Variants in PKIB observed in about 807,000 individuals in gnomAD.
PKIB encodes the protein cAMP-dependent protein kinase inhibitor beta.
Under a neutral mutation model 4.5 loss-of-function variants are expected in PKIB, and 2 were observed. The observed-to-expected ratio is 0.44, with a 90% CI of 0.18 to 1.39. The LOEUF is 1.39. Ranked by LOEUF, PKIB falls within the 40% of genes most tolerant of loss-of-function variation. The pLI, the probability that PKIB is intolerant of heterozygous loss-of-function variation, is 0.27. For missense variants in PKIB, 94 were observed against 92.6 expected, an observed-to-expected ratio of 1.02 and a Z score of -0.06; for synonymous variants, 38 against 36.0, an observed-to-expected ratio of 1.06 and a Z score of -0.20.
At chr6:122,563,919 G>T (rs376205009) in intron 2 of PKIB, among the ~76,000 whole-genome samples, 1 of 152,152 alleles carries the variant, frequency 6.6e-6, no homozygotes, top group South Asian at 2.1e-4. Context: ...TCCCCTGCTG[G>T]TGGAGTCTGC....
At chr6:122,606,627 C>G (rs1392675540), upstream of PKIB, among the ~76,000 whole-genome samples, 1 of 150,856 alleles carries the variant, frequency 6.6e-6, no homozygotes. Flanking sequence ...TGAGTCTTTA[C>G]AGGAAGTGAT....
chr6:122,704,351 T>A (rs1316271207), intron 3 of PKIB, among the ~76,000 whole-genome samples: 1 of 152,024 alleles, frequency 6.6e-6, no homozygotes, highest in Non-Finnish European at 1.5e-5. Context: ...CTGAGCACTT[T>A]GTAGCCCAGT....
At chr6:122,667,746 C>CA (rs749401470) in intron 2 of PKIB, among the ~76,000 whole-genome samples, 37 of 151,870 alleles carry the variant, frequency 2.4e-4, no homozygotes, top group East Asian at 9.7e-4. Flanking sequence ...GAATAGTTTA[C>CA]AAAAAAAATG....
At chr6:122,531,149 A>C (rs1777243886) in intron 2 of PKIB, 1 of 152,200 alleles carries the variant, frequency 6.6e-6, no homozygotes, top group Admixed American at 6.5e-5. Context: ...CTATACAAAA[A>C]TTGAATTATT....
intron 2 of PKIB, among the ~76,000 whole-genome samples, chr6:122,500,987 A>G (rs564081392): frequency 2.0e-5 from 3 of 152,128 alleles, no homozygotes; most frequent in African/African-American, 4.8e-5. Flanking sequence ...GTCTGCCCCC[A>G]TGATTCAATC....
At chr6:122,486,809 CTG>C (rs1358626992) in intron 2 of PKIB, among the ~76,000 whole-genome samples, 1 of 152,078 alleles carries the variant, frequency 6.6e-6, no homozygotes, top group East Asian at 1.9e-4. Context: ...TTTAAAAGTA[CTG>C]TGTTTTAAAA....
chr6:122,584,964 CCT>C (rs149606033), intron 2 of PKIB, among the ~76,000 whole-genome samples: 30,264 of 151,868 alleles, frequency 0.2, 3,517 homozygotes, highest in Non-Finnish European at 0.27. Context: ...AGTTACTGCC[CCT>C]TTCCATGTCA....
chr6:122,581,372 A>C (rs964687045), intron 2 of PKIB, among the ~76,000 whole-genome samples: 2 of 152,148 alleles, frequency 1.3e-5, no homozygotes, highest in Non-Finnish European at 2.9e-5. Context: ...ATATAAGACT[A>C]TCCTTTCCAT....
chr6:122,668,439 T>A (rs1777318235), intron 2 of PKIB, among the ~76,000 whole-genome samples: 2 of 152,214 alleles, frequency 1.3e-5, no homozygotes, highest in Non-Finnish European at 2.9e-5. Context: ...TCGACTTTTA[T>A]GAAAATGTTC....
chr6:122,595,663 G>A (rs1031494876), intron 3 of PKIB, among the ~76,000 whole-genome samples: 3 of 152,130 alleles, frequency 2.0e-5, no homozygotes, highest in Non-Finnish European at 2.9e-5. Context: ...GTGCCATATC[G>A]AGGGCTCAGT....
chr6:122,663,054 C>T (rs1777071864), intron 2 of PKIB, among the ~76,000 whole-genome samples: 1 of 152,174 alleles, frequency 6.6e-6, no homozygotes, highest in African/African-American at 2.4e-5. Flanking sequence ...GATTCTGTTA[C>T]ATCTCTGTTC....
intron 3 of PKIB, among the ~76,000 whole-genome samples, chr6:122,691,894 C>T (rs2115002252): frequency 1.3e-5 from 2 of 152,276 alleles, no homozygotes; most frequent in Middle Eastern, 6.8e-3. Context: ...GGCATATCTG[C>T]ATTACAGGGT....
At chr6:122,566,049 G>A (rs1046235398) in intron 2 of PKIB, among the ~76,000 whole-genome samples, 6 of 146,736 alleles carry the variant, frequency 4.1e-5, no homozygotes, top group African/African-American at 1.3e-4. Context: ...AATGGAAGAA[G>A]CTATCTTTTT....
intron 2 of PKIB, among the ~76,000 whole-genome samples, chr6:122,657,786 C>T (rs1776831854): frequency 6.6e-6 from 1 of 152,240 alleles, no homozygotes; most frequent in Non-Finnish European, 1.5e-5. Context: ...CTTTCAGCCA[C>T]ATCTCAATAT....
intron 3 of PKIB, among the ~76,000 whole-genome samples, chr6:122,699,026 C>T (rs1488168695): frequency 6.6e-6 from 1 of 151,974 alleles, no homozygotes; most frequent in East Asian, 1.9e-4. Flanking sequence ...AACAAATCTT[C>T]CTGGAGAAGG....
intron 3 of PKIB, among the ~76,000 whole-genome samples, chr6:122,589,917 T>A (rs1773967218): frequency 6.6e-6 from 1 of 152,212 alleles, no homozygotes; most frequent in South Asian, 2.1e-4. Flanking sequence ...CAATGCATAG[T>A]CTCTGTTAAA....
At chr6:122,664,592 T>C (rs941319041) in intron 2 of PKIB, among the ~76,000 whole-genome samples, 1 of 152,060 alleles carries the variant, frequency 6.6e-6, no homozygotes, top group Non-Finnish European at 1.5e-5. Context: ...TTCTATTTTT[T>C]GTAGAGGTAA....
intron 2 of PKIB, among the ~76,000 whole-genome samples, chr6:122,502,339 T>C (rs1408881984): frequency 6.6e-6 from 1 of 152,010 alleles, no homozygotes; most frequent in African/African-American, 2.4e-5. Flanking sequence ...TAGTAGTCTA[T>C]TTTTATGCCA....
At chr6:122,573,538 GAAAAAGAAAAA>G (rs1478338736) in intron 2 of PKIB, among the ~76,000 whole-genome samples, 2 of 129,128 alleles carry the variant, frequency 1.5e-5, no homozygotes, top group Non-Finnish European at 3.3e-5. Flanking sequence ...AAAAAAAAAA[GAAAAAGAAAAA>G]AAAAAGAAGA....
Sources: gnomAD v4.1 joint callset for allele counts (sites outside exome capture counted in the v4.1 genomes callset) on GRCh38, gnomAD v4.1.1 for gene constraint, MANE v1.5 for transcripts, NCBI Gene and HGNC (gene_info 2026-07-23, HGNC 2026-07-21) for gene names.